BUB1: variants seen among roughly 807,000 people sequenced by gnomAD.
BUB1 encodes the protein BUB1 mitotic checkpoint serine/threonine kinase, also known as mitotic checkpoint serine/threonine-protein kinase BUB1.
In BUB1, 84 loss-of-function variants were observed where a neutral mutation model predicts 135.2. The ratio of observed to expected loss-of-function variants is 0.62; its 90% CI spans 0.52 to 0.74. The LOEUF is 0.74. Among genes scored for constraint, BUB1 ranks in the 30% least tolerant of loss-of-function variants. The pLI, the probability that BUB1 is intolerant of heterozygous loss-of-function variation, is 0.00. For synonymous variants in BUB1, 403 were observed against 434.4 expected, an observed-to-expected ratio of 0.93 and a Z score of 0.90; for missense variants, 1,162 against 1,288.3, an observed-to-expected ratio of 0.90 and a Z score of 1.50.
chr2:110,638,080 C>T lies in BUB1; in HGVS notation c.3142G>A (p.Asp1048Asn). The T allele has an allele frequency of 6.2e-7, 1 of 1,612,240 alleles. No homozygotes were observed. The highest frequency in any genetic ancestry group is 1.1e-5 in the South Asian group (1 of 90,716). Reference sequence around the variant, plus strand: ...TTCTTCAGCTTTTGCCTTAACAAATCCAAAGATGGAAGATGATGACAATCT... The same window carrying T: ...TTCTTCAGCTTTTGCCTTAACAAATTCAAAGATGGAAGATGATGACAATCT... ...IPDCHHLPSL[D>N]LLRQKLKKVF... is the part of the protein sequence containing the mutation. The change falls in exon 25 of 25, where the codon GAT becomes AAT. Residue 1048 changes from aspartate to asparagine, a missense_variant. Coordinates refer to ENST00000302759, the MANE Select transcript of BUB1 (RefSeq NM_004336.5).
intron 16 of BUB1, 45 bp from the exon 17 acceptor site, chr2:110,653,568 G>A: frequency 4.1e-6 from 6 of 1,479,322 alleles, no homozygotes; most frequent in Non-Finnish European, 4.7e-6. Context: ...AGATGCACAT[G>A]TGTGCACAAC....
rs771384026 is a variant in BUB1 at position 110,655,919 on chromosome 2, A to G, written c.1699-3T>C. 3.7e-6 allele frequency: 6 copies of G among 1,611,026 alleles called. No homozygotes were observed. The South Asian group carries it at 4.4e-5, about 12-fold the overall frequency. On this transcript the variant is annotated splice_region_variant and splice_polypyrimidine_tract_variant and intron_variant, in intron 15 of 24. Coordinates refer to ENST00000302759, the MANE Select transcript of BUB1 (RefSeq NM_004336.5). ...TCTTCAGCATGAGGCACTTCCTCCTATAACAGAAGATGAAATGAAAAAAAA... is the reference window on the plus strand; with the variant it reads ...TCTTCAGCATGAGGCACTTCCTCCTGTAACAGAAGATGAAATGAAAAAAAA...
intron 5 of BUB1, 24 bp downstream of exon 5, chr2:110,670,501 G>C: frequency 6.2e-7 from 1 of 1,612,200 alleles, no homozygotes; most frequent in Non-Finnish European, 8.5e-7. Flanking sequence ...ACAACAACAG[G>C]CATTTTAGAA....
At chr2:110,660,096 C>CGGT in intron 10 of BUB1, 60 bp from the exon 11 acceptor site, 9 of 1,434,324 alleles carry the variant, frequency 6.3e-6, no homozygotes, top group Non-Finnish European at 8.8e-6. Context: ...AGGCTGGGTG[C>CGGT]GGTGGTGGCT....
rs1410616437 is a variant in BUB1 at position 110,638,160 on chromosome 2, C to G, written c.3063-1G>C. 1 of 1,584,260 alleles carries G rather than the reference C, an allele frequency of 6.3e-7. No homozygotes were observed. Among genetic ancestry groups the G allele is most frequent in the Non-Finnish European group, 8.6e-7 (1 of 1,166,220 alleles). On this transcript the variant is annotated splice_acceptor_variant, in intron 24 of 24. Coordinates refer to ENST00000302759, the MANE Select transcript of BUB1 (RefSeq NM_004336.5). LOFTEE classifies it high-confidence loss of function. ...ATTCCACATATCCAAATGAGGAAGC[C>G]TGAAAAAGACAAAGCATAAATAATG... is the stretch of plus-strand genomic sequence containing the variant.
intron 19 of BUB1, 82 bp downstream of exon 19, chr2:110,649,152 C>CAT (rs1278646021): frequency 3.0e-5 from 41 of 1,356,934 alleles, no homozygotes; most frequent in Non-Finnish European, 3.8e-5. Flanking sequence ...GAGAATCACA[C>CAT]ACACACACAC....
At position 110,648,606 on chromosome 2, in the gene BUB1, G is replaced by T. The variant is rs879439471; in HGVS notation, c.2347+628C>A. 1.3e-5 allele frequency among the ~76,000 whole-genome samples: 2 copies of T among 152,164 alleles called. No homozygotes were observed. Among genetic ancestry groups the T allele is most frequent in the Admixed American group, 6.5e-5 (1 of 15,274 alleles). On this transcript the variant is annotated intron_variant, in intron 19 of 24. Coordinates refer to ENST00000302759, the MANE Select transcript of BUB1 (RefSeq NM_004336.5). The surrounding 1 kb of genome is among the most constrained non-coding windows in gnomAD (Gnocchi z 4.2). ...ATTTTAACAAATGTACCACACTCAT[G>T]CAAGATGTTAGTAACACGAAAATCT...
chr2:110,642,415 T>C (rs985232447), intron 19 of BUB1, 181 bp from the exon 20 acceptor site: 1 of 420,788 alleles, frequency 2.4e-6, no homozygotes, highest in African/African-American at 2.0e-5. Context: ...CAAAGTAGTA[T>C]GCTCCTATTA....
At chr2:110,641,560 C>G in intron 21 of BUB1, 82 bp downstream of exon 21, 1 of 1,555,972 alleles carries the variant, frequency 6.4e-7, no homozygotes, top group Non-Finnish European at 8.7e-7. Context: ...TCCACAAAAG[C>G]CCCAACCACA....
At chr2:110,639,666 T>C (rs1265476022) in intron 24 of BUB1, 76 bp downstream of exon 24, 1 of 1,213,724 alleles carries the variant, frequency 8.2e-7, no homozygotes. Flanking sequence ...GATCCTTTTT[T>C]TTTTTTTGCC....
intron 19 of BUB1, among the ~76,000 whole-genome samples, chr2:110,643,383 C>T (rs1343742206): frequency 6.6e-6 from 1 of 152,134 alleles, no homozygotes; most frequent in African/African-American, 2.4e-5. Context: ...AAAATAAGGA[C>T]ACATAGGGCA....
In BUB1 at chr2:110,638,045, T is replaced by C. The variant is rs1689410143; in HGVS notation, c.3177A>G (p.Gln1059=). The C allele has an allele frequency of 3.1e-6, 5 of 1,612,904 alleles. No individual in the cohort carries two copies. Among genetic ancestry groups the C allele is most frequent in the Non-Finnish European group, 3.4e-6 (4 of 1,179,546 alleles). ...LLRQKLKKVF[Q]QHYTNKIRAL... The stretch of plus-strand genomic sequence containing the variant: ...CCCTAATCTTGTTAGTATAGTGTTG[T>C]TGAAATACTTTCTTCAGCTTTTGCC... The change falls in exon 25 of 25, where the codon CAA becomes CAG. Residue 1059 remains glutamine, a synonymous_variant. Transcript: ENST00000302759.
chr2:110,657,001 A>T (rs781403808), intron 15 of BUB1, 35 bp downstream of exon 15: 77 of 1,542,610 alleles, frequency 5.0e-5, no homozygotes, highest in Non-Finnish European at 6.9e-5. Context: ...GATGGGTTGT[A>T]GGACCCATTT....
At chr2:110,658,844 G>A (rs761130744) in intron 11 of BUB1, 102 bp from the exon 12 acceptor site, 3 of 1,429,896 alleles carry the variant, frequency 2.1e-6, no homozygotes, top group Non-Finnish European at 1.9e-6. Context: ...GTTTGTCATT[G>A]TTAAAAATTA....
intron 15 of BUB1, among the ~76,000 whole-genome samples, chr2:110,656,312 C>CT (rs887732789): frequency 1.3e-5 from 2 of 151,888 alleles, no homozygotes; most frequent in Non-Finnish European, 2.9e-5. Flanking sequence ...TGGATTTCAC[C>CT]TTTTTTTTCC....
rs759911655 is a variant in BUB1, at chr2:110,658,730, T to C, written c.1289A>G (p.His430Arg). 2 of 1,614,098 alleles carry C rather than the reference T, an allele frequency of 1.2e-6. No individual in the cohort carries two copies. Among genetic ancestry groups the C allele is most frequent in the Non-Finnish European group, 1.7e-6 (2 of 1,180,036 alleles). Residue 430 changes from histidine to arginine, a missense_variant, in exon 12 of 25, where the codon CAT (histidine) becomes CGT (arginine). Transcript: ENST00000302759. ...GAEIKEGCET[H>R]KVANTSSFHT... is the part of the protein sequence containing the mutation. ...AAAAGAACTTGTGTTGGCAACCTTA[T>C]GTGTTTCACACCCTAGCAAAGAAAT...
At chr2:110,647,118 AT>A (rs2104522446) in intron 19 of BUB1, among the ~76,000 whole-genome samples, 1 of 152,356 alleles carries the variant, frequency 6.6e-6, no homozygotes, top group East Asian at 1.9e-4. Flanking sequence ...TGAGGAACAA[AT>A]TATATCCATT....
chr2:110,644,618 A>G (rs578207632), intron 19 of BUB1, among the ~76,000 whole-genome samples: 1 of 152,318 alleles, frequency 6.6e-6, no homozygotes, highest in South Asian at 2.1e-4. Flanking sequence ...TAGGCATATC[A>G]TATTCAAACT....
In BUB1 at chr2:110,641,066, C is replaced by G. The variant is rs1463529849; in HGVS notation, c.2923G>C (p.Glu975Gln). The G allele has an allele frequency of 1.2e-6, 2 of 1,603,342 alleles. No individual in the cohort carries two copies. Among genetic ancestry groups the G allele is most frequent in the Non-Finnish European group, 1.7e-6 (2 of 1,176,402 alleles). Reference sequence around the variant, plus strand: ...TTCCATGGTTTGTTGCTGAGCATCTCAACACACTGAAAACCAGATGTTTCA... The same window carrying G: ...TTCCATGGTTTGTTGCTGAGCATCTGAACACACTGAAAACCAGATGTTTCA... Reference protein sequence around the residue: ...KCETSGFQCVEMLSNKPWNYQ... With the variant: ...KCETSGFQCVQMLSNKPWNYQ... Residue 975 changes from glutamate (E) to glutamine (Q), a missense_variant, in exon 23 of 25, where the codon GAG becomes CAG. By Grantham distance (29) the Glu-to-Gln change is conservative (BLOSUM62 2). Transcript: ENST00000302759.
Sources: gnomAD v4.1 joint callset for allele counts (sites outside exome capture counted in the v4.1 genomes callset) on GRCh38, gnomAD v4.1.1 for gene constraint, Gnocchi (gnomAD v3.1) non-coding constraint, MANE v1.5 for transcripts, NCBI Gene and HGNC (gene_info 2026-07-23, HGNC 2026-07-21) for gene names.